The following TMEM219 variants were observed in gnomAD, a reference collection of about 807,000 sequenced individuals.
The protein encoded by TMEM219 is insulin-like growth factor-binding protein 3 receptor.
A neutral mutation model predicts 17.9 loss-of-function variants in TMEM219; 18 were observed. The ratio of observed to expected loss-of-function variants is 1.01; its 90% CI spans 0.70 to 1.49. TMEM219 has a LOEUF of 1.49. Ranked by LOEUF, TMEM219 falls within the 40% of genes most tolerant of loss-of-function variation. The pLI is 0.00. For missense variants in TMEM219, 288 were observed against 292.4 expected (o/e 0.99, Z 0.11); for synonymous variants, 113 against 124.0 (o/e 0.91, Z 0.59).
At chr16:29,967,743 C>CGT (rs1174107800) in intron 3 of TMEM219, among the ~76,000 whole-genome samples, 2 of 66,760 alleles carry the variant, frequency 3.0e-5, no homozygotes, top group Non-Finnish European at 8.9e-5. Context: ...CTGGCTACCA[C>CGT]AGTGAAACCC....
chr16:29,968,542 A>G (rs2069243985), intron 4 of TMEM219: 1 of 325,520 alleles, frequency 3.1e-6, no homozygotes, highest in South Asian at 6.2e-5. Flanking sequence ...TTGATAAGTG[A>G]CAGCTATTGT....
chr16:29,968,606 A>G (rs1567231312), intron 4 of TMEM219: 5 of 199,294 alleles, frequency 2.5e-5, no homozygotes, highest in Non-Finnish European at 4.2e-5. Context: ...TTCAGAAGCT[A>G]TAATAAGAGG....
intron 3 of TMEM219, among the ~76,000 whole-genome samples, chr16:29,966,161 G>A (rs1424709896): frequency 6.6e-6 from 1 of 152,166 alleles, no homozygotes; most frequent in Non-Finnish European, 1.5e-5. Flanking sequence ...GAGCTACCGG[G>A]TCTGGCGTAT....
At chr16:29,967,795 T>C (rs961778979) in intron 3 of TMEM219, among the ~76,000 whole-genome samples, 10 of 151,758 alleles carry the variant, frequency 6.6e-5, no homozygotes, top group East Asian at 1.9e-4. Flanking sequence ...GGCCTGGTGG[T>C]GGGCACCTGT....
At chr16:29,966,673 A>C in intron 3 of TMEM219, among the ~76,000 whole-genome samples, 1 of 151,996 alleles carries the variant, frequency 6.6e-6, no homozygotes, top group East Asian at 1.9e-4. Flanking sequence ...AAAATTAGCC[A>C]GGCATGGTCG....
At chr16:29,964,305 A>G (rs995827916) in intron 3 of TMEM219, among the ~76,000 whole-genome samples, 28 of 151,904 alleles carry the variant, frequency 1.8e-4, no homozygotes, top group Admixed American at 3.9e-4. Context: ...CCTGGGCAAC[A>G]GAGCAAAACT....
intron 3 of TMEM219, among the ~76,000 whole-genome samples, chr16:29,967,744 A>ATG (rs1390211055): frequency 0.34 from 52,086 of 151,464 alleles, 9,790 homozygotes; most frequent in South Asian, 0.46. Flanking sequence ...TGGCTACCAC[A>ATG]GTGAAACCCC....
intron 3 of TMEM219, among the ~76,000 whole-genome samples, chr16:29,966,784 C>T (rs1323704843): frequency 6.6e-6 from 1 of 151,808 alleles, no homozygotes; most frequent in Non-Finnish European, 1.5e-5. Context: ...CCACTGCACT[C>T]CAGCCTGGGC....
intron 4 of TMEM219, among the ~76,000 whole-genome samples, chr16:29,970,323 CT>C (rs869239268): frequency 2.0e-3 from 273 of 138,114 alleles, no homozygotes; most frequent in African/African-American, 3.8e-3. Flanking sequence ...ACTGCTTGCA[CT>C]TTTTTTTTTT....
At chr16:29,963,022 G>T in intron 1 of TMEM219, 85 bp from the exon 2 acceptor site, 1 of 1,190,806 alleles carries the variant, frequency 8.4e-7, no homozygotes, top group South Asian at 1.4e-5. Context: ...GTGTGGCCTT[G>T]GGAAGTCCTT....
In TMEM219 at chr16:29,968,450, AC is replaced by A. The variant is rs2069242970; in HGVS notation, c.585+199del. 7 of 553,090 alleles carry A rather than the reference AC, an allele frequency of 1.3e-5. No homozygotes were observed. The South Asian group carries it at 1.7e-4, about 14-fold the overall frequency. 34.3% of individuals were successfully genotyped at this position (553,090 alleles called of 1,614,324 possible). A position where few individuals can be genotyped will look rare whatever the true frequency, so the allele number is the denominator to read the frequency against. ...CCTCATCTGTAAAACAGAAAACATG[AC>A]CCTATCTCTTAATTCCATCAAATAA... On this transcript the variant is annotated intron_variant, in intron 4 of 5. Transcript: ENST00000279396.
rs2150859265 is a variant in TMEM219, at chr16:29,963,261, TTCC to T, written c.124_126del (p.Leu42del). 6.2e-7 allele frequency: 1 copy of T among 1,614,142 alleles called. No individual in the cohort carries two copies. The highest frequency in any genetic ancestry group is 2.2e-5 in the East Asian group (1 of 44,886). On this transcript the variant is annotated inframe_deletion, in exon 2 of 6. Transcript: ENST00000279396. The stretch of plus-strand genomic sequence containing the variant: ...CCTCTCTGGCCTGGGCCTTGGCAGC[TTCC>T]TCCTCACCCACAGGACTGGCCTGCG...
chr16:29,969,542 G>A (rs2069256059), intron 4 of TMEM219, among the ~76,000 whole-genome samples: 1 of 151,852 alleles, frequency 6.6e-6, no homozygotes, highest in African/African-American at 2.4e-5. Flanking sequence ...AGCAGGGTGT[G>A]GTGGTACACA....
At chr16:29,964,272 G>A (rs1162825680) in intron 3 of TMEM219, among the ~76,000 whole-genome samples, 3 of 151,354 alleles carry the variant, frequency 2.0e-5, no homozygotes, top group Non-Finnish European at 2.9e-5. Context: ...GCAGTGAGCC[G>A]AGATCGTACC....
chr16:29,967,788 C>T (rs1014599103), intron 3 of TMEM219, among the ~76,000 whole-genome samples: 1 of 151,938 alleles, frequency 6.6e-6, no homozygotes, highest in African/African-American at 2.4e-5. Context: ...TTAGCTGGGC[C>T]TGGTGGTGGG....
chr16:29,970,724 A>G (rs1451147415), intron 4 of TMEM219, among the ~76,000 whole-genome samples: 2 of 151,904 alleles, frequency 1.3e-5, no homozygotes, highest in Non-Finnish European at 2.9e-5. Flanking sequence ...TAGTTTTTAA[A>G]CCATCAAGAC....
chr16:29,971,507 C>T lies in TMEM219; in HGVS notation c.685C>T (p.Pro229Ser), dbSNP rs746008390. 1.9e-6 allele frequency: 3 copies of T among 1,614,032 alleles called. No homozygotes were observed. The highest frequency in any genetic ancestry group is 2.5e-6 in the Non-Finnish European group (3 of 1,180,016). The change falls in exon 5 of 6, where the codon CCG becomes TCG. Residue 229 changes from proline (P) to serine (S), a missense_variant. By Grantham distance (74) the Pro-to-Ser change is moderately conservative (BLOSUM62 -1). Coordinates refer to ENST00000279396, the MANE Select transcript of TMEM219 (RefSeq NM_001083613.2). Reference protein sequence around the residue: ...LCCVTAMCFHPRRESHWSRTR... With the variant: ...LCCVTAMCFHSRRESHWSRTR... ...CTGTGTCACTGCTATGTGCTTCCAC[C>T]CGCGCCGGGAGTCCCACTGGTCTAG...
chr16:29,971,616 TGGGGTG>T, intron 5 of TMEM219, 38 bp downstream of exon 5: 23 of 512,586 alleles, frequency 4.5e-5, no homozygotes, highest in Non-Finnish European at 6.1e-5. Context: ...GAGCAGGGAA[TGGGGTG>T]GGGGTGGGGG....
At position 29,963,500 on chromosome 16, in the gene TMEM219, T is replaced by C. The variant is rs745746341; in HGVS notation, c.266T>C (p.Leu89Pro). Reference protein sequence around the residue: ...KWRGSHVVGLLTTLNFGDGPD... With the variant: ...KWRGSHVVGLPTTLNFGDGPD... The stretch of plus-strand genomic sequence containing the variant: ...CGAGGGTCTCACGTCGTGGGCTTGC[T>C]GACCACCTTGAACTTCGGAGACGGT... Residue 89 changes from leucine to proline, a missense_variant, in exon 3 of 6, where the codon CTG (leucine) becomes CCG (proline). Transcript: ENST00000279396. 6.2e-7 allele frequency: 1 copy of C among 1,614,210 alleles called. No homozygotes were observed. Among genetic ancestry groups the C allele is most frequent in the Non-Finnish European group, 8.5e-7 (1 of 1,180,034 alleles).
Sources: gnomAD v4.1 joint callset for allele counts (sites outside exome capture counted in the v4.1 genomes callset) on GRCh38, gnomAD v4.1.1 for gene constraint, MANE v1.5 for transcripts, NCBI Gene and HGNC (gene_info 2026-07-23, HGNC 2026-07-21) for gene names.